The following SLIT3 variants were observed in gnomAD, a reference collection of about 807,000 sequenced individuals.
The protein encoded by SLIT3 is slit homolog 3 protein.
A neutral mutation model predicts 184.0 loss-of-function variants in SLIT3; 68 were observed. The ratio of observed to expected loss-of-function variants is 0.37; its 90% confidence interval spans 0.30 to 0.45. The LOEUF (loss-of-function observed/expected upper bound fraction) is 0.45. Ranked by LOEUF, SLIT3 falls within the 20% of genes least tolerant of loss-of-function variation. SLIT3 has a pLI of 1.00. For synonymous variants in SLIT3, 831 were observed against 828.6 expected (o/e 1.00, Z -0.05); for missense variants, 1,707 against 2,026.0 (o/e 0.84, Z 3.02).
At chr5:169,204,408 AG>A (rs1763997850) in intron 3 of SLIT3, among the ~76,000 whole-genome samples, 1 of 152,178 alleles carries the variant, frequency 6.6e-6, no homozygotes, top group African/African-American at 2.4e-5. Context: ...AAAATAAAGG[AG>A]GAGAGAAAAC....
intron 12 of SLIT3, among the ~76,000 whole-genome samples, chr5:168,779,326 CCT>C (rs1561928567): frequency 1.3e-5 from 2 of 152,248 alleles, no homozygotes; most frequent in Non-Finnish European, 2.9e-5. Flanking sequence ...GTGGAGGTAC[CCT>C]GTTTGTAGCC....
intron 5 of SLIT3, among the ~76,000 whole-genome samples, chr5:168,859,988 T>C (rs932735610): frequency 6.6e-6 from 1 of 152,202 alleles, no homozygotes; most frequent in Non-Finnish European, 1.5e-5. Context: ...TCCCTACCTA[T>C]CCACACACTG....
chr5:168,770,892 C>T (rs1755527312), intron 14 of SLIT3, among the ~76,000 whole-genome samples: 1 of 152,010 alleles, frequency 6.6e-6, no homozygotes, highest in Non-Finnish European at 1.5e-5. Flanking sequence ...TAGCCCCACC[C>T]CCACCTTGCC....
chr5:168,676,952 G>A (rs1157369466), intron 32 of SLIT3, among the ~76,000 whole-genome samples: 1 of 152,200 alleles, frequency 6.6e-6, no homozygotes, highest in Non-Finnish European at 1.5e-5. Flanking sequence ...AGCCTGCAGG[G>A]GTACCCAGCC....
At position 168,673,342 on chromosome 5, in the gene SLIT3, G is replaced by A; in HGVS notation, c.3687-11C>T. 6.2e-7 allele frequency: 1 copy of A among 1,613,902 alleles called. No homozygotes were observed. On this transcript the variant is annotated splice_polypyrimidine_tract_variant and intron_variant, in intron 32 of 35. Coordinates refer to ENST00000519560, the MANE Select transcript of SLIT3 (RefSeq NM_003062.4). Reference sequence around the variant, plus strand: ...TTCACTGTCTCCACACTGGCCAGTAGAGAAGGGGAGAAAGCCGGAGAGTTC... The same window carrying A: ...TTCACTGTCTCCACACTGGCCAGTAAAGAAGGGGAGAAAGCCGGAGAGTTC...
At chr5:169,287,629 G>A (rs910707809) in intron 1 of SLIT3, among the ~76,000 whole-genome samples, 12 of 152,170 alleles carry the variant, frequency 7.9e-5, no homozygotes, top group Non-Finnish European at 1.6e-4. Context: ...TCAAAAGCCT[G>A]AAAATCTCTT....
intron 6 of SLIT3, among the ~76,000 whole-genome samples, chr5:168,827,585 C>A (rs1037138751): frequency 2.0e-5 from 3 of 152,200 alleles, no homozygotes; most frequent in Non-Finnish European, 4.4e-5. Flanking sequence ...CTTATCTGAA[C>A]AATCCAGGAT....
At position 168,700,590 on chromosome 5, in the gene SLIT3, A is replaced by G; in HGVS notation, c.2934T>C (p.Asp978=). Residue 978 remains aspartate, a synonymous_variant, in exon 27 of 36, where the codon GAT becomes GAC. Coordinates refer to ENST00000519560, the MANE Select transcript of SLIT3 (RefSeq NM_003062.4). ...GTCHLSDSHK[D]GFSCSCPLGF... Reference sequence around the variant, plus strand: ...CAGGGGTGAACTGTTACCTGAACCCATCCTTGTGGCTGTCACTCAGGTGGC... The same window carrying G: ...CAGGGGTGAACTGTTACCTGAACCCGTCCTTGTGGCTGTCACTCAGGTGGC... 6.2e-7 allele frequency: 1 copy of G among 1,613,588 alleles called. No individual in the cohort carries two copies. Among genetic ancestry groups the G allele is most frequent in the Non-Finnish European group, 8.5e-7 (1 of 1,179,490 alleles).
intron 27 of SLIT3, among the ~76,000 whole-genome samples, chr5:168,700,088 G>A (rs185638940): frequency 7.2e-5 from 11 of 152,286 alleles, no homozygotes; most frequent in Admixed American, 2.6e-4. Context: ...TACAGGGTGC[G>A]AAGAGCCTTG....
chr5:168,963,356 G>C (rs1763079013), intron 4 of SLIT3, among the ~76,000 whole-genome samples: 1 of 152,112 alleles, frequency 6.6e-6, no homozygotes, highest in Non-Finnish European at 1.5e-5. Context: ...ATTTTTAGTA[G>C]AGACAAGGTT....
At chr5:168,885,848 C>T (rs1270497100) in intron 4 of SLIT3, among the ~76,000 whole-genome samples, 1 of 152,116 alleles carries the variant, frequency 6.6e-6, no homozygotes, top group Non-Finnish European at 1.5e-5. Context: ...GAGTAGCAGT[C>T]GTACAAAGGT....
rs778998998 is a variant in SLIT3, at chr5:168,842,469, G to GTTTTTTT, written c.557+2108_557+2114dup. On this transcript the variant is annotated intron_variant, in intron 6 of 35. Coordinates refer to ENST00000519560, the MANE Select transcript of SLIT3 (RefSeq NM_003062.4). Reference sequence around the variant, plus strand: ...TGGTGCATCTGGATACCGTTTTTTCGTTTTTTTTTTTTTTTTTTGTATCTG... The same window carrying GTTTTTTT: ...TGGTGCATCTGGATACCGTTTTTTCGTTTTTTTTTTTTTTTTTTTTTTTTTGTATCTG... 1.3e-3 allele frequency among the ~76,000 whole-genome samples: 115 copies of GTTTTTTT among 88,042 alleles called. 4 individuals are homozygous for GTTTTTTT. The highest frequency in any genetic ancestry group is 1.5e-3 in the African/African-American group (31 of 20,848). The allele number at this position is 88,042 out of a possible 152,430, so 57.8% of individuals were successfully genotyped here. A position where few individuals can be genotyped will look rare whatever the true frequency, so the allele number is the denominator to read the frequency against.
At chr5:168,802,465 G>A (rs757276961) in intron 9 of SLIT3, among the ~76,000 whole-genome samples, 10 of 152,280 alleles carry the variant, frequency 6.6e-5, no homozygotes, top group Non-Finnish European at 1.0e-4. Context: ...AGAGGAGGAG[G>A]AGGCAAGCAC....
At chr5:169,290,503 G>A (rs538612946) in intron 1 of SLIT3, among the ~76,000 whole-genome samples, 11 of 135,360 alleles carry the variant, frequency 8.1e-5, no homozygotes, top group Non-Finnish European at 1.1e-4. Flanking sequence ...ACTAGGGCAC[G>A]CACTAGTGCA....
At chr5:168,852,593 C>T (rs1198276207) in intron 5 of SLIT3, among the ~76,000 whole-genome samples, 4 of 152,234 alleles carry the variant, frequency 2.6e-5, no homozygotes, top group African/African-American at 4.8e-5. Flanking sequence ...ACATCATCTC[C>T]TTCAGCCTCG....
At chr5:169,097,204 T>C (rs1410026049) in intron 4 of SLIT3, among the ~76,000 whole-genome samples, 1 of 152,202 alleles carries the variant, frequency 6.6e-6, no homozygotes. Flanking sequence ...ATGTGCACTG[T>C]TCCCTGCCTA....
intron 5 of SLIT3, among the ~76,000 whole-genome samples, chr5:168,859,956 T>C (rs1258639204): frequency 1.3e-5 from 2 of 151,614 alleles, no homozygotes; most frequent in African/African-American, 4.9e-5. Flanking sequence ...TACTTACTTA[T>C]CTATGATCCT....
rs1183204452 is a variant in SLIT3, at chr5:169,300,859, G to A, written c.-150C>T. 9 of 740,910 alleles carry A rather than the reference G, an allele frequency of 1.2e-5. No individual in the cohort carries two copies. The East Asian group carries it at 3.3e-4, about 27-fold the overall frequency. 45.9% of individuals were successfully genotyped at this position (740,910 alleles called of 1,614,324 possible). ...GCGAGCTCGGTGCTCAGGCGCACGG[G>A]GCGCGGGCGGAGCGGGGCGCTCCGG... On this transcript the variant is annotated 5_prime_UTR_variant, in exon 1 of 36. Transcript: ENST00000519560. The surrounding 1 kb of genome is among the most constrained non-coding windows in gnomAD (Gnocchi z 4.1).
chr5:169,113,934 A>G (rs534333701), intron 4 of SLIT3, among the ~76,000 whole-genome samples: 3 of 152,262 alleles, frequency 2.0e-5, no homozygotes, highest in African/African-American at 7.2e-5. Context: ...GATTACAAGC[A>G]TAAGCCACTG....
Sources: allele counts gnomAD v4.1 joint callset (sites outside exome capture counted in the v4.1 genomes callset), GRCh38; gene constraint gnomAD v4.1.1; non-coding constraint Gnocchi (gnomAD v3.1); transcripts MANE v1.5; gene names NCBI Gene and HGNC (gene_info 2026-07-23, HGNC 2026-07-21).